INSYN2B: variants seen among roughly 807,000 people sequenced by gnomAD.
INSYN2B encodes inhibitory synaptic factor family member 2B.
INSYN2B carries 16 observed loss-of-function variants against 41.2 expected under a neutral mutation model. The observed-to-expected ratio is 0.39, with a 90% confidence interval of 0.26 to 0.59. The LOEUF (loss-of-function observed/expected upper bound fraction) is 0.59, where lower values mean the gene tolerates loss of function less well. Ranked by LOEUF, INSYN2B falls within the 20% of genes least tolerant of loss-of-function variation. The probability of loss-of-function intolerance (pLI) is 0.57; values close to 1 mark genes in which losing one functional copy is unlikely to be tolerated. For missense variants in INSYN2B, 608 were observed against 646.4 expected (o/e 0.94, Z 0.64); for synonymous variants, 245 against 244.4 (o/e 1.00, Z -0.02).
intron 3 of INSYN2B, among the ~76,000 whole-genome samples, chr5:169,877,989 A>G (rs1398720425): frequency 6.6e-6 from 1 of 152,222 alleles, no homozygotes; most frequent in Non-Finnish European, 1.5e-5. Flanking sequence ...CCTTTAAAAC[A>G]TATTGGAGAC....
In INSYN2B at chr5:169,861,596, G is replaced by A. The variant is rs770884032; in HGVS notation, c.*2677C>T. 2.6e-5 allele frequency among the ~76,000 whole-genome samples: 4 copies of A among 152,164 alleles called. No homozygotes were observed. Among genetic ancestry groups the A allele is most frequent in the Non-Finnish European group, 4.4e-5 (3 of 68,030 alleles). On this transcript the variant is annotated 3_prime_UTR_variant, in exon 4 of 4. Transcript: ENST00000377365. ...TCTCCAGCAAACCAGATAACCTCAA[G>A]TACAGCATTTCTGTAGAATATCATG...
intron 1 of INSYN2B, among the ~76,000 whole-genome samples, chr5:169,953,695 C>T (rs1309492107): frequency 3.9e-5 from 6 of 152,142 alleles, no homozygotes; most frequent in South Asian, 2.1e-4. Flanking sequence ...CCATTTAATG[C>T]AGCATAAAGT....
Position 169,959,119 on chromosome 5 carries a change from ATGGTGG to A in INSYN2B, c.-919+21152_-919+21157del, listed in dbSNP as rs1776977788. 2.0e-5 allele frequency among the ~76,000 whole-genome samples: 3 copies of A among 151,628 alleles called. No homozygotes were observed. In the South Asian group the frequency reaches 6.9e-4, roughly 35 times the overall value. ...TATAAAAAGCACAAACTGGCTGGGC[ATGGTGG>A]CTCATGCCTGTAATCCCAGCACTTT... On this transcript the variant is annotated intron_variant, in intron 1 of 3. Transcript: ENST00000377365.
chr5:169,874,402 C>A, intron 3 of INSYN2B, among the ~76,000 whole-genome samples: 1 of 111,430 alleles, frequency 9.0e-6, no homozygotes, highest in South Asian at 3.2e-4. Flanking sequence ...GACAGTGAGA[C>A]TCTGTCTCAA....
intron 1 of INSYN2B, among the ~76,000 whole-genome samples, chr5:169,892,692 T>G (rs1295019092): frequency 6.6e-6 from 1 of 152,210 alleles, no homozygotes; most frequent in African/African-American, 2.4e-5. Context: ...CTCTTCATTT[T>G]TATCCTTTCT....
intron 1 of INSYN2B, among the ~76,000 whole-genome samples, chr5:169,927,604 G>A (rs1016099930): frequency 2.6e-5 from 4 of 152,214 alleles, no homozygotes; most frequent in African/African-American, 9.6e-5. Context: ...TGATCAGGAG[G>A]TAAAACATAT....
chr5:169,957,275 G>T (rs981685565), intron 1 of INSYN2B, among the ~76,000 whole-genome samples: 1 of 152,218 alleles, frequency 6.6e-6, no homozygotes, highest in African/African-American at 2.4e-5. Flanking sequence ...GGACTTAACT[G>T]CTCTGAGCCC....
Position 169,882,535 on chromosome 5 carries a change from A to G in INSYN2B, c.1346+18T>C, listed in dbSNP as rs1261881610. The stretch of plus-strand genomic sequence containing the variant: ...ACTTCACCCAGTCATTTTTAATATG[A>G]AAAAAAAATCTCCTTACCCTTCAGT... On this transcript the variant is annotated intron_variant, in intron 2 of 3. Coordinates refer to ENST00000377365, the MANE Select transcript of INSYN2B (RefSeq NM_001129891.3). 2.7e-6 allele frequency: 4 copies of G among 1,500,728 alleles called. No individual in the cohort carries two copies. The highest frequency in any genetic ancestry group is 1.7e-4 in the Middle Eastern group (1 of 5,758). The allele number at this position is 1,500,728 out of a possible 1,614,324, so 93.0% of individuals were successfully genotyped here. A position where few individuals can be genotyped will look rare whatever the true frequency, so the allele number is the denominator to read the frequency against.
intron 1 of INSYN2B, among the ~76,000 whole-genome samples, chr5:169,958,311 T>A (rs1478780810): frequency 6.6e-6 from 1 of 152,182 alleles, no homozygotes; most frequent in African/African-American, 2.4e-5. Context: ...ATATGGTCTT[T>A]GCCTTCCTTC....
intron 1 of INSYN2B, among the ~76,000 whole-genome samples, chr5:169,924,856 G>C (rs555921716): frequency 1.3e-5 from 2 of 152,254 alleles, no homozygotes; most frequent in East Asian, 1.9e-4. Flanking sequence ...TTGAGCTGCA[G>C]TTTTTCAATT....
intron 1 of INSYN2B, among the ~76,000 whole-genome samples, chr5:169,904,243 G>T (rs1489386002): frequency 6.6e-6 from 1 of 152,152 alleles, no homozygotes; most frequent in Non-Finnish European, 1.5e-5. Context: ...AGACAGTACT[G>T]CTTGGCTTCA....
chr5:169,884,115 T>G lies in INSYN2B; in HGVS notation c.-217A>C, dbSNP rs1772834225. The G allele has an allele frequency of 2.5e-6, 1 of 404,192 alleles. No individual in the cohort carries two copies. The highest frequency in any genetic ancestry group is 4.4e-6 in the Non-Finnish European group (1 of 229,134). The allele number at this position is 404,192 out of a possible 1,614,324, so 25.0% of individuals were successfully genotyped here. On this transcript the variant is annotated 5_prime_UTR_variant, in exon 2 of 4. Coordinates refer to ENST00000377365, the MANE Select transcript of INSYN2B (RefSeq NM_001129891.3). ...TGTAATGCTTTCCCTGCAGTTAAAA[T>G]ATTAATTCATTGTAGTCATAATTGC... is the stretch of plus-strand genomic sequence containing the variant.
intron 1 of INSYN2B, among the ~76,000 whole-genome samples, chr5:169,909,554 G>A (rs2113614165): frequency 6.6e-6 from 1 of 152,336 alleles, no homozygotes; most frequent in Admixed American, 6.5e-5. Context: ...TGCAAGGTGA[G>A]TATTATTATC....
intron 1 of INSYN2B, among the ~76,000 whole-genome samples, chr5:169,898,859 G>T (rs261061): frequency 6.6e-6 from 1 of 152,046 alleles, no homozygotes; most frequent in Non-Finnish European, 1.5e-5. Context: ...GTTTGCTGCC[G>T]TTGTGTAAAG....
At chr5:169,894,636 G>A (rs1302449034) in intron 1 of INSYN2B, among the ~76,000 whole-genome samples, 5 of 152,184 alleles carry the variant, frequency 3.3e-5, no homozygotes, top group South Asian at 4.1e-4. Flanking sequence ...TTGCAAAAGC[G>A]CATGACTGCA....
At chr5:169,967,948 G>C (rs1028423130) in intron 1 of INSYN2B, among the ~76,000 whole-genome samples, 2 of 152,180 alleles carry the variant, frequency 1.3e-5, no homozygotes, top group African/African-American at 2.4e-5. Context: ...CTGGTTCTGA[G>C]AAGGAGCACA....
At chr5:169,901,019 C>G (rs1773890510) in intron 1 of INSYN2B, among the ~76,000 whole-genome samples, 1 of 152,216 alleles carries the variant, frequency 6.6e-6, no homozygotes, top group Non-Finnish European at 1.5e-5. Flanking sequence ...AACAAACATC[C>G]AAGTAAACAT....
At chr5:169,952,190 CA>C (rs1474156830) in intron 1 of INSYN2B, among the ~76,000 whole-genome samples, 1 of 152,160 alleles carries the variant, frequency 6.6e-6, no homozygotes, top group Non-Finnish European at 1.5e-5. Flanking sequence ...CTCATCTTTG[CA>C]AATAAGAATT....
intron 1 of INSYN2B, among the ~76,000 whole-genome samples, chr5:169,934,489 A>C (rs1181270286): frequency 6.6e-6 from 1 of 152,196 alleles, no homozygotes; most frequent in African/African-American, 2.4e-5. Context: ...GCATGCACAT[A>C]TGCTAGGAGA....
Sources: allele counts gnomAD v4.1 joint callset (sites outside exome capture counted in the v4.1 genomes callset), GRCh38; gene constraint gnomAD v4.1.1; transcripts MANE v1.5; gene names NCBI Gene and HGNC (gene_info 2026-07-23, HGNC 2026-07-21).